Variants in MACROD2 observed in about 807,000 individuals in gnomAD.
MACROD2 encodes the protein mono-ADP ribosylhydrolase 2.
MACROD2 carries 36 observed loss-of-function variants against 70.4 expected under a neutral mutation model. That is an observed-to-expected ratio of 0.51 (90% CI 0.39 to 0.68). The LOEUF is 0.68. MACROD2 is among the 30% of genes least tolerant of loss of function. The probability of loss-of-function intolerance (pLI) is 0.00; values close to 1 mark genes in which losing one functional copy is unlikely to be tolerated. For missense variants in MACROD2, 496 were observed against 538.4 expected, an observed-to-expected ratio of 0.92 and a Z score of 0.78; for synonymous variants, 172 against 178.8, an observed-to-expected ratio of 0.96 and a Z score of 0.30.
intron 7 of MACROD2, among the ~76,000 whole-genome samples, chr20:15,447,311 CAGAGGAG>C (rs2046582190): frequency 6.6e-6 from 1 of 152,160 alleles, no homozygotes; most frequent in African/African-American, 2.4e-5. Context: ...GCCTGGCTAG[CAGAGGAG>C]CTGGGGCCTG....
chr20:15,119,676 GAGA>G (rs572002533), intron 5 of MACROD2, among the ~76,000 whole-genome samples: 35 of 152,320 alleles, frequency 2.3e-4, no homozygotes, highest in Admixed American at 2.1e-3. Context: ...AGCAGTTTTT[GAGA>G]AGGAATCAAA....
chr20:15,623,702 A>G (rs2049160580), intron 8 of MACROD2, among the ~76,000 whole-genome samples: 1 of 151,758 alleles, frequency 6.6e-6, no homozygotes. Flanking sequence ...CTATCTATCT[A>G]TCTATCTATC....
At chr20:14,033,427 C>T (rs139097483) in intron 2 of MACROD2, among the ~76,000 whole-genome samples, 21 of 152,102 alleles carry the variant, frequency 1.4e-4, no homozygotes, top group African/African-American at 5.1e-4. Flanking sequence ...TACACTTTTC[C>T]AGACTGATTG....
Position 16,047,825 on chromosome 20 carries a change from A to G in MACROD2, c.1301-2005A>G, listed in dbSNP as rs972135178. ...ACAGGCCTTATGGCCACAGTCTTGCATTTTAATGCCCACCTTGGACCTTGA... is the reference window on the plus strand; with the variant it reads ...ACAGGCCTTATGGCCACAGTCTTGCGTTTTAATGCCCACCTTGGACCTTGA... On this transcript the variant is annotated intron_variant, in intron 17 of 17. Transcript: ENST00000684519. Among the ~76,000 whole-genome samples the G allele has an allele frequency of 4.4e-4, 67 of 152,214 alleles. 1 individual carries two copies. Among genetic ancestry groups the G allele is most frequent in the African/African-American group, 1.5e-3 (62 of 41,446 alleles).
chr20:15,803,391 T>G (rs1246335298), intron 8 of MACROD2, among the ~76,000 whole-genome samples: 1 of 151,888 alleles, frequency 6.6e-6, no homozygotes, highest in African/African-American at 2.4e-5. Flanking sequence ...ATTTGAACCT[T>G]GAAAGGTAAA....
chr20:14,357,146 A>G (rs944341464), intron 3 of MACROD2, among the ~76,000 whole-genome samples: 4 of 152,198 alleles, frequency 2.6e-5, no homozygotes, highest in Non-Finnish European at 4.4e-5. Context: ...TGTTGGGCAC[A>G]TTGTAAGAAG....
chr20:14,440,768 T>A (rs980773172), intron 3 of MACROD2, among the ~76,000 whole-genome samples: 7 of 152,146 alleles, frequency 4.6e-5, no homozygotes. Context: ...ATTAATACCA[T>A]GGGATCTCCA....
At chr20:14,365,913 GT>G (rs1193101117) in intron 3 of MACROD2, among the ~76,000 whole-genome samples, 2 of 152,128 alleles carry the variant, frequency 1.3e-5, no homozygotes, top group Non-Finnish European at 2.9e-5. Context: ...GAATATTCCA[GT>G]TTTTCTTCTG....
At chr20:15,862,716 A>C (rs2064441158) in intron 8 of MACROD2, 29 bp from the exon 9 acceptor site, 1 of 1,571,790 alleles carries the variant, frequency 6.4e-7, no homozygotes, top group East Asian at 2.3e-5. Context: ...ATTTTTTTTC[A>C]CTTTGAGTGT....
At chr20:14,940,148 CAAAAAAAAAAAAAA>C (rs57697517) in intron 5 of MACROD2, among the ~76,000 whole-genome samples, 29 of 55,106 alleles carry the variant, frequency 5.3e-4, no homozygotes, top group Non-Finnish European at 1.0e-3. Flanking sequence ...CTCATCTCTG[CAAAAAAAAAAAAAA>C]AAAAAAAAAA....
intron 6 of MACROD2, among the ~76,000 whole-genome samples, chr20:15,253,916 A>G (rs764759487): frequency 5.9e-5 from 9 of 152,198 alleles, no homozygotes; most frequent in Middle Eastern, 3.2e-3. Flanking sequence ...TTTTAGGTTC[A>G]TGGATGTAAT....
intron 3 of MACROD2, among the ~76,000 whole-genome samples, chr20:14,227,472 A>G (rs1159684379): frequency 6.6e-6 from 1 of 151,210 alleles, no homozygotes; most frequent in East Asian, 1.9e-4. Flanking sequence ...GGAACGAACA[A>G]CTCCAGATGC....
chr20:15,288,981 A>G (rs1288475614), intron 6 of MACROD2, among the ~76,000 whole-genome samples: 1 of 152,094 alleles, frequency 6.6e-6, no homozygotes, highest in Non-Finnish European at 1.5e-5. Flanking sequence ...ACTATTGACC[A>G]ATATCCACAT....
intron 12 of MACROD2, among the ~76,000 whole-genome samples, chr20:15,955,522 A>G (rs2065964433): frequency 6.6e-6 from 1 of 152,160 alleles, no homozygotes; most frequent in Non-Finnish European, 1.5e-5. Flanking sequence ...TAGATTTCCT[A>G]GTTTCTAATG....
chr20:14,805,651 T>A (rs572658750), intron 5 of MACROD2, among the ~76,000 whole-genome samples: 1 of 152,164 alleles, frequency 6.6e-6, no homozygotes, highest in South Asian at 2.1e-4. Flanking sequence ...GGTCTCTGAT[T>A]TTAAACTCCA....
intron 3 of MACROD2, among the ~76,000 whole-genome samples, chr20:14,091,007 AT>A (rs944197211): frequency 6.6e-6 from 1 of 151,344 alleles, no homozygotes; most frequent in Non-Finnish European, 1.5e-5. Flanking sequence ...GGTGCTGAGC[AT>A]TTTTTTTCAT....
intron 7 of MACROD2, among the ~76,000 whole-genome samples, chr20:15,458,086 C>T (rs6135414): frequency 0.56 from 85,055 of 151,890 alleles, 24,832 homozygotes; most frequent in African/African-American, 0.72. Flanking sequence ...TACATTTTTC[C>T]AATTATTTCC....
intron 5 of MACROD2, among the ~76,000 whole-genome samples, chr20:14,988,692 C>G (rs1483986576): frequency 6.6e-6 from 1 of 152,112 alleles, no homozygotes; most frequent in Non-Finnish European, 1.5e-5. Context: ...TCGCACTGAC[C>G]ATTCTTTGTA....
intron 5 of MACROD2, among the ~76,000 whole-genome samples, chr20:15,072,417 G>T (rs1214120003): frequency 6.6e-6 from 1 of 152,156 alleles, no homozygotes. Context: ...TATAATTGAT[G>T]ATGGCAAGAA....
Sources: gnomAD v4.1 joint callset for allele counts (sites outside exome capture counted in the v4.1 genomes callset) on GRCh38, gnomAD v4.1.1 for gene constraint, MANE v1.5 for transcripts, NCBI Gene and HGNC (gene_info 2026-07-23, HGNC 2026-07-21) for gene names.